ITPRID1: variants seen among roughly 807,000 people sequenced by gnomAD.
The protein encoded by ITPRID1 is protein ITPRID1.
In ITPRID1, 96 loss-of-function variants were observed where a neutral mutation model predicts 95.4. That is an observed-to-expected ratio of 1.01 (90% confidence interval 0.85 to 1.19). ITPRID1 has a LOEUF of 1.19. Ranked by LOEUF, ITPRID1 falls within the 50% of genes most tolerant of loss-of-function variation. The probability of loss-of-function intolerance (pLI) is 0.00; values close to 1 mark genes in which losing one functional copy is unlikely to be tolerated. For missense variants in ITPRID1, 1,339 were observed against 1,252.9 expected (o/e 1.07, Z -1.04); for synonymous variants, 510 against 453.6 (o/e 1.12, Z -1.58).
rs780320062 is a variant in ITPRID1 at position 31,578,277 on chromosome 7, CT to C, written c.1015del (p.Cys339AlafsTer66). 1 of 1,613,880 alleles carries C rather than the reference CT, an allele frequency of 6.2e-7. No individual in the cohort carries two copies. The highest frequency in any genetic ancestry group is 8.5e-7 in the Non-Finnish European group (1 of 1,179,842). On this transcript the variant is annotated frameshift_variant, in exon 9 of 15. Coordinates refer to ENST00000615280, the MANE Select transcript of ITPRID1 (RefSeq NM_001257967.3). LOFTEE classifies it high-confidence loss of function. ...PPHGLLSKQW[P>X]CSSMPAKQAP... Reference sequence around the variant, plus strand: ...CATGGTCTTCTGAGCAAGCAGTGGCCTTGCTCATCTATGCCGGCCAAGCAGG... The same window carrying C: ...CATGGTCTTCTGAGCAAGCAGTGGCCTGCTCATCTATGCCGGCCAAGCAGG...
intron 9 of ITPRID1, among the ~76,000 whole-genome samples, chr7:31,582,709 C>G (rs915788333): frequency 6.6e-6 from 1 of 151,908 alleles, no homozygotes; most frequent in Non-Finnish European, 1.5e-5. Context: ...AAATTTTGTT[C>G]TAGCAATTTG....
chr7:31,622,404 T>A (rs1464278983), intron 10 of ITPRID1, among the ~76,000 whole-genome samples: 4 of 151,874 alleles, frequency 2.6e-5, no homozygotes, highest in Admixed American at 2.6e-4. Context: ...CATAACAAAC[T>A]ATCTCTCAGA....
chr7:31,532,407 G>C (rs909261298), intron 1 of ITPRID1, among the ~76,000 whole-genome samples: 1 of 152,166 alleles, frequency 6.6e-6, no homozygotes, highest in African/African-American at 2.4e-5. Context: ...GAAATGATGA[G>C]AGCAGACATC....
chr7:31,642,058 C>A, intron 10 of ITPRID1, 118 bp from the exon 11 acceptor site: 1 of 548,474 alleles, frequency 1.8e-6, no homozygotes, highest in Admixed American at 3.8e-5. Context: ...TTTTTTCTTC[C>A]ACACAGTGGG....
rs184719378 is a variant in ITPRID1 at position 31,575,283 on chromosome 7, A to G, written c.598+541A>G. 2.4e-4 allele frequency among the ~76,000 whole-genome samples: 36 copies of G among 152,302 alleles called. No homozygotes were observed. The East Asian group carries it at 6.2e-3, about 26-fold the overall frequency. On this transcript the variant is annotated intron_variant, in intron 8 of 14. Transcript: ENST00000615280. ...ATCATGAATCATTAGGTGAAACCCT[A>G]ATTTCCTCATTTATGAGATTTAGAA... is the stretch of plus-strand genomic sequence containing the variant.
chr7:31,518,006 G>A (rs1284798047), intron 1 of ITPRID1: 2 of 152,358 alleles, frequency 1.3e-5, no homozygotes, highest in Non-Finnish European at 2.9e-5. Context: ...TTGTAGGTGT[G>A]AGTAAGTTGA....
chr7:31,518,217 C>T (rs1457380450), intron 1 of ITPRID1: 1 of 152,284 alleles, frequency 6.6e-6, no homozygotes, highest in East Asian at 1.9e-4. Flanking sequence ...TGGAGACAGC[C>T]TCTGAAAGGC....
At chr7:31,641,935 G>A (rs1790054001) in intron 10 of ITPRID1, among the ~76,000 whole-genome samples, 1 of 152,094 alleles carries the variant, frequency 6.6e-6, no homozygotes, top group Non-Finnish European at 1.5e-5. Context: ...AGAGACATTA[G>A]TTTCTCTTCC....
At chr7:31,566,112 A>G (rs112747923) in intron 5 of ITPRID1, among the ~76,000 whole-genome samples, 3 of 152,200 alleles carry the variant, frequency 2.0e-5, no homozygotes, top group South Asian at 2.1e-4. Flanking sequence ...TATCCTCTAG[A>G]TCTGGTGGGC....
chr7:31,542,735 C>T (rs533524173), intron 1 of ITPRID1, among the ~76,000 whole-genome samples: 2 of 152,210 alleles, frequency 1.3e-5, no homozygotes, highest in East Asian at 1.9e-4. Flanking sequence ...GTTTTGTAGC[C>T]TCTATGCCAA....
intron 1 of ITPRID1, among the ~76,000 whole-genome samples, chr7:31,521,781 C>T (rs982795701): frequency 2.0e-5 from 3 of 146,790 alleles, no homozygotes; most frequent in Non-Finnish European, 3.0e-5. Flanking sequence ...AGTACAGTGG[C>T]GGTGATCACA....
intron 1 of ITPRID1, chr7:31,529,764 C>T: frequency 6.5e-7 from 1 of 1,535,130 alleles, no homozygotes; most frequent in Non-Finnish European, 8.7e-7. Context: ...TCCACACATA[C>T]TTTGATGCCA....
At position 31,544,621 on chromosome 7, in the gene ITPRID1, A is replaced by G. The variant is rs192792249; in HGVS notation, c.-97-4805A>G. 4.4e-3 allele frequency among the ~76,000 whole-genome samples: 666 copies of G among 152,244 alleles called. 4 individuals are homozygous for G. Among genetic ancestry groups the G allele is most frequent in the African/African-American group, 0.015 (639 of 41,556 alleles). On this transcript the variant is annotated intron_variant, in intron 1 of 14. Transcript: ENST00000615280. ...GAGAACAATTCTTTGTACCTTTCTT[A>G]AGATGCATATTACATTCTGCCTCAT...
At chr7:31,598,312 A>G (rs1786173807) in intron 10 of ITPRID1, among the ~76,000 whole-genome samples, 1 of 152,064 alleles carries the variant, frequency 6.6e-6, no homozygotes, top group South Asian at 2.1e-4. Flanking sequence ...AAGTTCAAAG[A>G]CAAGTCACAA....
chr7:31,582,930 G>C (rs142196260), intron 9 of ITPRID1, among the ~76,000 whole-genome samples: 51 of 152,192 alleles, frequency 3.4e-4, no homozygotes, highest in African/African-American at 1.1e-3. Flanking sequence ...CCATCCAGTT[G>C]TGATCTTCCC....
At chr7:31,614,139 A>G (rs968740598) in intron 10 of ITPRID1, among the ~76,000 whole-genome samples, 3 of 152,190 alleles carry the variant, frequency 2.0e-5, no homozygotes, top group Admixed American at 2.0e-4. Flanking sequence ...CCCAGATATT[A>G]CGGAGTCTTA....
chr7:31,610,429 A>T lies in ITPRID1; in HGVS notation c.1228+27238A>T, dbSNP rs572760101. 1.1e-3 allele frequency among the ~76,000 whole-genome samples: 170 copies of T among 151,476 alleles called. 1 individual carries two copies. Among genetic ancestry groups the T allele is most frequent in the African/African-American group, 4.0e-3 (163 of 41,106 alleles). ...TAGTATAATGGCAAACAGAAATCCT[A>T]TCTTATCAATAATTACATTCAGTCT... On this transcript the variant is annotated intron_variant, in intron 10 of 14. Transcript: ENST00000615280.
At chr7:31,538,314 A>G (rs1001964060) in intron 1 of ITPRID1, among the ~76,000 whole-genome samples, 11 of 152,196 alleles carry the variant, frequency 7.2e-5, no homozygotes, top group Non-Finnish European at 2.9e-5. Context: ...AATTGCAGAT[A>G]TAATGCTCTT....
At position 31,655,195 on chromosome 7, in the gene ITPRID1, A is replaced by G. The variant is rs1791237909; in HGVS notation, c.*2366A>G. On this transcript the variant is annotated 3_prime_UTR_variant, in exon 15 of 15. Coordinates refer to ENST00000615280, the MANE Select transcript of ITPRID1 (RefSeq NM_001257967.3). Reference sequence around the variant, plus strand: ...TAAAGCTGACCTGGTCATTGCCCCAACTCAGTTCATCTTCCTGATCCTCTC... The same window carrying G: ...TAAAGCTGACCTGGTCATTGCCCCAGCTCAGTTCATCTTCCTGATCCTCTC... Among the ~76,000 whole-genome samples the G allele has an allele frequency of 6.6e-6, 1 of 151,852 alleles. No individual in the cohort carries two copies. Among genetic ancestry groups the G allele is most frequent in the Non-Finnish European group, 1.5e-5 (1 of 67,968 alleles).
Sources: allele counts gnomAD v4.1 joint callset (sites outside exome capture counted in the v4.1 genomes callset), GRCh38; gene constraint gnomAD v4.1.1; transcripts MANE v1.5; gene names NCBI Gene and HGNC (gene_info 2026-07-23, HGNC 2026-07-21).